FER: variants seen among roughly 807,000 people sequenced by gnomAD.
FER encodes tyrosine-protein kinase Fer.
Under a neutral mutation model 111.0 loss-of-function variants are expected in FER, and 63 were observed. That is an observed-to-expected ratio of 0.57 (90% CI 0.46 to 0.70). FER has a LOEUF of 0.70. FER is among the 30% of genes least tolerant of loss of function. FER has a pLI of 0.00. For missense variants in FER, 914 were observed against 954.0 expected, an observed-to-expected ratio of 0.96 and a Z score of 0.55; for synonymous variants, 327 against 313.9, an observed-to-expected ratio of 1.04 and a Z score of -0.44.
At chr5:109,055,790 C>CAA (rs77291685) in intron 16 of FER, among the ~76,000 whole-genome samples, 1,175 of 72,418 alleles carry the variant, frequency 0.016, 10 homozygotes, top group Non-Finnish European at 0.023. Context: ...AACCTTGTCT[C>CAA]AAAAAAAAAA....
At chr5:108,774,813 T>C (rs1187028707) in intron 2 of FER, among the ~76,000 whole-genome samples, 2 of 152,112 alleles carry the variant, frequency 1.3e-5, no homozygotes, top group Non-Finnish European at 2.9e-5. Context: ...CATGGGTAGA[T>C]TGCAAAAATT....
At chr5:108,942,801 C>G (rs1171790618) in intron 10 of FER, among the ~76,000 whole-genome samples, 5 of 151,808 alleles carry the variant, frequency 3.3e-5, no homozygotes, top group African/African-American at 1.2e-4. Flanking sequence ...GTTATAATTT[C>G]CCTGTAGTTA....
chr5:109,118,184 A>G (rs113711294), intron 17 of FER, among the ~76,000 whole-genome samples: 28,979 of 152,136 alleles, frequency 0.19, 2,913 homozygotes, highest in Non-Finnish European at 0.22. Context: ...CGTCCCATCA[A>G]TACCTAATTC....
chr5:108,944,238 C>G (rs1427473578), intron 10 of FER, among the ~76,000 whole-genome samples: 1 of 151,772 alleles, frequency 6.6e-6, no homozygotes, highest in East Asian at 1.9e-4. Context: ...TCTTTCAAGC[C>G]AAGGTAATAG....
At position 109,131,039 on chromosome 5, in the gene FER, A is replaced by G. The variant is rs71592780; in HGVS notation, c.2048+30520A>G. On this transcript the variant is annotated intron_variant, in intron 17 of 19. Transcript: ENST00000281092. ...GTAACCATGTTTTATTCAGCTTTATATCTCTGACATAGAAGACACTCAATA... is the reference window on the plus strand; with the variant it reads ...GTAACCATGTTTTATTCAGCTTTATGTCTCTGACATAGAAGACACTCAATA... 4.4e-3 allele frequency among the ~76,000 whole-genome samples: 665 copies of G among 152,234 alleles called. 1 individual carries two copies. Among genetic ancestry groups the G allele is most frequent in the Admixed American group, 0.02 (299 of 15,262 alleles).
At chr5:108,934,319 C>G (rs866278391) in intron 10 of FER, among the ~76,000 whole-genome samples, 1 of 152,082 alleles carries the variant, frequency 6.6e-6, no homozygotes, top group African/African-American at 2.4e-5. Flanking sequence ...AGTGAAAAAG[C>G]TGAAATAGAA....
chr5:109,031,844 G>C (rs1046120253), intron 13 of FER, among the ~76,000 whole-genome samples: 3 of 152,032 alleles, frequency 2.0e-5, no homozygotes, highest in Non-Finnish European at 4.4e-5. Flanking sequence ...GAAATCCTTT[G>C]TCATCACTTA....
rs552883758 is a variant in FER, at chr5:109,195,761, C to T, written c.*8186C>T. On this transcript the variant is annotated 3_prime_UTR_variant, in exon 20 of 20. Transcript: ENST00000281092. ...AGCATATTTATGGGCCATTTCTGTT[C>T]ATCATTCTTTACAGAGCATTGAGGT... 5.3e-5 allele frequency: 8 copies of T among 152,274 alleles called. No individual in the cohort carries two copies. The highest frequency in any genetic ancestry group is 8.8e-5 in the Non-Finnish European group (6 of 68,016). The allele number at this position is 152,274 out of a possible 1,614,324, so 9.4% of individuals were successfully genotyped here. A position where few individuals can be genotyped will look rare whatever the true frequency, so the allele number is the denominator to read the frequency against.
chr5:108,943,528 C>T (rs1464210288), intron 10 of FER, among the ~76,000 whole-genome samples: 1 of 152,118 alleles, frequency 6.6e-6, no homozygotes, highest in Non-Finnish European at 1.5e-5. Context: ...GTCAGAGCCA[C>T]TCCAATCAGC....
rs1291187160 is a variant in FER, at chr5:108,832,800, C to A, written c.238C>A (p.Gln80Lys). Residue 80 changes from glutamine to lysine, a missense_variant, in exon 4 of 20, where the codon CAA (glutamine) becomes AAA (lysine). Around this residue, in one of 3 missense-constraint regions of FER, gnomAD observed 774 missense variants for 782.6 expected, o/e 0.99. Transcript: ENST00000281092. ...SWLLMIQQTE[Q>K]LSRIMKTHAE... is the part of the protein sequence containing the mutation. ...GCTACTTATGATTCAGCAGACAGAACAACTTAGTAGGATAATGAAGACACA... is the reference window on the plus strand; with the variant it reads ...GCTACTTATGATTCAGCAGACAGAAAAACTTAGTAGGATAATGAAGACACA... The A allele has an allele frequency of 5.2e-6, 8 of 1,536,032 alleles. No homozygotes were observed. Among genetic ancestry groups the A allele is most frequent in the East Asian group, 2.4e-5 (1 of 42,172 alleles).
chr5:109,148,511 G>A (rs552492744), intron 17 of FER, among the ~76,000 whole-genome samples: 26 of 152,244 alleles, frequency 1.7e-4, no homozygotes, highest in African/African-American at 3.6e-4. Flanking sequence ...GTAGTCTGAC[G>A]TATCAACTCT....
chr5:108,957,292 A>C (rs1361889740), intron 12 of FER, among the ~76,000 whole-genome samples: 1 of 151,636 alleles, frequency 6.6e-6, no homozygotes, highest in Non-Finnish European at 1.5e-5. Flanking sequence ...TTTAATACAA[A>C]GTATAAATAG....
intron 10 of FER, among the ~76,000 whole-genome samples, chr5:108,941,322 A>G (rs1000697726): frequency 3.9e-5 from 6 of 152,192 alleles, no homozygotes; most frequent in African/African-American, 1.4e-4. Flanking sequence ...TCTTGAGGAA[A>G]ATATTCTTGA....
At chr5:108,783,215 C>G (rs78783252) in intron 2 of FER, among the ~76,000 whole-genome samples, 3 of 152,180 alleles carry the variant, frequency 2.0e-5, no homozygotes, top group Non-Finnish European at 4.4e-5. Context: ...AGCTCATTGA[C>G]TGTATCCTGT....
At chr5:109,037,567 A>T (rs774552921) in intron 14 of FER, 89 bp downstream of exon 14, 321 of 1,015,760 alleles carry the variant, frequency 3.2e-4, no homozygotes, top group Non-Finnish European at 4.5e-4. Context: ...AGCTTTTCTT[A>T]TATTGCCACA....
chr5:109,081,738 T>C (rs1190030526), intron 16 of FER, among the ~76,000 whole-genome samples: 1 of 152,084 alleles, frequency 6.6e-6, no homozygotes, highest in African/African-American at 2.4e-5. Flanking sequence ...AACCTAGTTC[T>C]ATGGATGCTT....
At chr5:109,057,565 T>C (rs1439462963) in intron 16 of FER, among the ~76,000 whole-genome samples, 1 of 152,202 alleles carries the variant, frequency 6.6e-6, no homozygotes, top group African/African-American at 2.4e-5. Context: ...CATAGCTCAC[T>C]GTAGCCTTGC....
chr5:109,161,154 C>T (rs552672583), intron 17 of FER, among the ~76,000 whole-genome samples: 13 of 152,190 alleles, frequency 8.5e-5, no homozygotes, highest in South Asian at 4.1e-4. Flanking sequence ...CTTACAGCTT[C>T]GTTGTTTATA....
intron 10 of FER, among the ~76,000 whole-genome samples, chr5:108,925,556 T>G (rs746163376): frequency 6.6e-6 from 1 of 152,144 alleles, no homozygotes; most frequent in Non-Finnish European, 1.5e-5. Flanking sequence ...TGCATTCTCT[T>G]GAGTCCCTTA....
Sources: gnomAD v4.1 joint callset for allele counts (sites outside exome capture counted in the v4.1 genomes callset) on GRCh38, gnomAD v4.1.1 for gene constraint, gnomAD v4.1.1 regional missense constraint, MANE v1.5 for transcripts, NCBI Gene and HGNC (gene_info 2026-07-23, HGNC 2026-07-21) for gene names.